CDH13: variants seen among roughly 807,000 people sequenced by gnomAD.
CDH13 encodes the protein cadherin-13.
In CDH13, 24 loss-of-function variants were observed where a neutral mutation model predicts 63.8. That is an observed-to-expected ratio of 0.38 (90% CI 0.27 to 0.53). The LOEUF is 0.53. Ranked by LOEUF, CDH13 falls within the 20% of genes least tolerant of loss-of-function variation. CDH13 has a pLI of 0.85. For missense variants in CDH13, 1,049 were observed against 903.1 expected, an observed-to-expected ratio of 1.16 and a Z score of -2.07; for synonymous variants, 503 against 355.3, an observed-to-expected ratio of 1.42 and a Z score of -4.67.
intron 7 of CDH13, among the ~76,000 whole-genome samples, chr16:83,571,408 A>G (rs1387144198): frequency 6.6e-6 from 1 of 152,204 alleles, no homozygotes; most frequent in Non-Finnish European, 1.5e-5. Context: ...CTTCTTTAAA[A>G]GAAAAAAAAA....
At chr16:83,133,065 A>T (rs1341907530) in intron 4 of CDH13, among the ~76,000 whole-genome samples, 2 of 152,222 alleles carry the variant, frequency 1.3e-5, no homozygotes, top group African/African-American at 4.8e-5. Context: ...ACACAGCCCA[A>T]TATGGTACCC....
intron 6 of CDH13, among the ~76,000 whole-genome samples, chr16:83,418,492 A>T (rs1258557890): frequency 6.6e-6 from 1 of 152,192 alleles, no homozygotes; most frequent in Middle Eastern, 3.2e-3. Context: ...ATAGGTCAGT[A>T]GGTTGTTCCT....
At chr16:83,499,000 T>A (rs1211650043) in intron 7 of CDH13, among the ~76,000 whole-genome samples, 1 of 152,186 alleles carries the variant, frequency 6.6e-6, no homozygotes, top group Non-Finnish European at 1.5e-5. Context: ...TCAATAAGAA[T>A]CAAATGGCTT....
At chr16:83,587,731 G>A (rs963804709) in intron 7 of CDH13, among the ~76,000 whole-genome samples, 1 of 152,104 alleles carries the variant, frequency 6.6e-6, no homozygotes, top group Non-Finnish European at 1.5e-5. Context: ...ACCATAAAAC[G>A]TATTATCTTT....
intron 4 of CDH13, among the ~76,000 whole-genome samples, chr16:83,209,564 A>G (rs1398566307): frequency 2.0e-5 from 3 of 152,216 alleles, no homozygotes; most frequent in African/African-American, 7.2e-5. Flanking sequence ...CTTATTTTTA[A>G]TTTGTGAGTT....
At chr16:83,386,100 G>T (rs2091668508) in intron 6 of CDH13, among the ~76,000 whole-genome samples, 1 of 152,216 alleles carries the variant, frequency 6.6e-6, no homozygotes, top group Non-Finnish European at 1.5e-5. Context: ...TCATAGGGTT[G>T]TGTGGATTAA....
chr16:83,375,249 C>T (rs1324553357), intron 6 of CDH13, among the ~76,000 whole-genome samples: 1 of 152,150 alleles, frequency 6.6e-6, no homozygotes, highest in Non-Finnish European at 1.5e-5. Flanking sequence ...TAGAAATAAT[C>T]ATGTTTCTTA....
At chr16:82,637,854 C>T (rs1461158966) in intron 1 of CDH13, 3 of 152,182 alleles carry the variant, frequency 2.0e-5, no homozygotes, top group Non-Finnish European at 4.4e-5. Flanking sequence ...GCGAGTCCAC[C>T]TGGGGCCCGT....
intron 5 of CDH13, among the ~76,000 whole-genome samples, chr16:83,272,384 G>A (rs886822701): frequency 1.3e-5 from 2 of 152,172 alleles, no homozygotes; most frequent in African/African-American, 4.8e-5. Flanking sequence ...GAACCAGGAG[G>A]ACAGCGTTCC....
chr16:83,159,181 A>G (rs1011017950), intron 4 of CDH13, among the ~76,000 whole-genome samples: 1 of 152,008 alleles, frequency 6.6e-6, no homozygotes, highest in African/African-American at 2.4e-5. Context: ...GCTTTTAAAA[A>G]TACCCTGGGG....
rs149594641 is a variant in CDH13, at chr16:83,311,763, C to G, written c.637-33099C>G. Among the ~76,000 whole-genome samples, 113 of 152,312 alleles carry G rather than the reference C, an allele frequency of 7.4e-4. 1 individual carries two copies. Among genetic ancestry groups the G allele is most frequent in the African/African-American group, 2.6e-3 (110 of 41,576 alleles). On this transcript the variant is annotated intron_variant, in intron 5 of 13. Coordinates refer to ENST00000567109, the MANE Select transcript of CDH13 (RefSeq NM_001257.5). ...AATTTTATTCCAGCTTGGACAAATTCTACGCATCTTCCTAATAAAAGAAGA... is the reference window on the plus strand; with the variant it reads ...AATTTTATTCCAGCTTGGACAAATTGTACGCATCTTCCTAATAAAAGAAGA...
chr16:82,918,423 G>C (rs763393347), intron 2 of CDH13, among the ~76,000 whole-genome samples: 3 of 151,704 alleles, frequency 2.0e-5, no homozygotes, highest in Admixed American at 1.3e-4. Context: ...GGCCAGCATG[G>C]TTTTTGTCTG....
At chr16:83,384,088 T>G (rs2091624641) in intron 6 of CDH13, among the ~76,000 whole-genome samples, 2 of 152,198 alleles carry the variant, frequency 1.3e-5, no homozygotes, top group Non-Finnish European at 2.9e-5. Flanking sequence ...TCTGCATTGT[T>G]CATACATTAA....
chr16:83,050,055 G>C lies in CDH13; in HGVS notation c.366+17837G>C, dbSNP rs12447744. Among the ~76,000 whole-genome samples, 76 of 152,012 alleles carry C rather than the reference G, an allele frequency of 5.0e-4. 2 individuals carry two copies. The South Asian group carries it at 8.5e-3, about 17-fold the overall frequency. On this transcript the variant is annotated intron_variant, in intron 3 of 13. Coordinates refer to ENST00000567109, the MANE Select transcript of CDH13 (RefSeq NM_001257.5). ...TTACATAATTTATGATGATTGAATGGGGGTGGCTCTCTTATCTGGATTTCA... is the reference window on the plus strand; with the variant it reads ...TTACATAATTTATGATGATTGAATGCGGGTGGCTCTCTTATCTGGATTTCA...
intron 5 of CDH13, among the ~76,000 whole-genome samples, chr16:83,320,135 G>C (rs1017129756): frequency 6.6e-6 from 1 of 152,106 alleles, no homozygotes; most frequent in Non-Finnish European, 1.5e-5. Flanking sequence ...GACCTCTCAG[G>C]CTCAAGTGAT....
intron 5 of CDH13, among the ~76,000 whole-genome samples, chr16:83,265,338 C>T (rs955291369): frequency 2.6e-5 from 4 of 152,098 alleles, no homozygotes; most frequent in Non-Finnish European, 4.4e-5. Context: ...GTGTGTATTT[C>T]GCATGCCTGA....
At chr16:83,612,076 A>C (rs775933148) in intron 8 of CDH13, among the ~76,000 whole-genome samples, 21 of 152,080 alleles carry the variant, frequency 1.4e-4, no homozygotes, top group Admixed American at 2.6e-4. Context: ...TGTTTTATTA[A>C]TCTGCTTATT....
intron 3 of CDH13, among the ~76,000 whole-genome samples, chr16:83,082,507 C>G (rs1404226734): frequency 1.3e-5 from 2 of 151,982 alleles, no homozygotes; most frequent in African/African-American, 2.4e-5. Context: ...GTGGTGGGTA[C>G]CTGTAATCCA....
intron 7 of CDH13, among the ~76,000 whole-genome samples, chr16:83,602,100 ACAAC>A (rs1567797501): frequency 3.1e-4 from 14 of 44,838 alleles, no homozygotes; most frequent in African/African-American, 6.2e-4. Flanking sequence ...AAAAAAAAGA[ACAAC>A]AACAAAAAAA....
Sources: allele counts gnomAD v4.1 joint callset (sites outside exome capture counted in the v4.1 genomes callset), GRCh38; gene constraint gnomAD v4.1.1; transcripts MANE v1.5; gene names NCBI Gene and HGNC (gene_info 2026-07-23, HGNC 2026-07-21).